Variants in PPEF1 observed in about 807,000 individuals in gnomAD.
The protein encoded by PPEF1 is serine/threonine-protein phosphatase with EF-hands 1.
PPEF1 carries 12 observed loss-of-function variants against 53.3 expected under a neutral mutation model. The observed-to-expected ratio is 0.23, with a 90% CI of 0.14 to 0.36. The LOEUF (loss-of-function observed/expected upper bound fraction) is 0.36. PPEF1 is among the 10% of genes least tolerant of loss of function. PPEF1 has a pLI of 1.00. For missense variants in PPEF1, 334 were observed against 490.4 expected, an observed-to-expected ratio of 0.68 and a Z score of 3.01; for synonymous variants, 165 against 176.7, an observed-to-expected ratio of 0.93 and a Z score of 0.52.
At chrX:18,692,390 A>G (rs1301387613) in intron 4 of PPEF1, among the ~76,000 whole-genome samples, 1 of 112,052 alleles carries the variant, frequency 8.9e-6, no homozygotes, top group Non-Finnish European at 1.9e-5. Context: ...CCTTGTAACC[A>G]CAGCACCTAG....
At chrX:18,747,111 G>C (rs2045345930) in intron 3 of PPEF1, among the ~76,000 whole-genome samples, 1 of 111,559 alleles carries the variant, frequency 9.0e-6, no homozygotes, top group Non-Finnish European at 1.9e-5. Flanking sequence ...AGAAAGCAAG[G>C]GTAGTCCAGG....
At chrX:18,687,152 C>T (rs964788791) in intron 3 of PPEF1, among the ~76,000 whole-genome samples, 1 of 111,212 alleles carries the variant, frequency 9.0e-6, no homozygotes, top group African/African-American at 3.3e-5. Context: ...CTGGAAGCCT[C>T]AGCCCATAGA....
rs181782988 is a variant in PPEF1 at position 18,766,762 on chromosome X, G to A, written c.558+5186G>A. ...TAATGACAGCAATGAAAATTAAAACGTTCTGGCTGGGCACGGTGGCTCACG... is the reference window on the plus strand; with the variant it reads ...TAATGACAGCAATGAAAATTAAAACATTCTGGCTGGGCACGGTGGCTCACG... On this transcript the variant is annotated intron_variant, in intron 6 of 15. Coordinates refer to ENST00000470157, the MANE Select transcript of PPEF1 (RefSeq NM_001377996.1). Among the ~76,000 whole-genome samples, 369 of 112,415 alleles carry A rather than the reference G, an allele frequency of 3.3e-3. 2 individuals are homozygous for A. The highest frequency in any genetic ancestry group is 0.012 in the African/African-American group (359 of 31,012).
intron 6 of PPEF1, among the ~76,000 whole-genome samples, chrX:18,774,920 G>C (rs977182062): frequency 1.8e-5 from 2 of 111,572 alleles, no homozygotes; most frequent in Non-Finnish European, 3.8e-5. Flanking sequence ...TGTAGAAGTC[G>C]TGTTTCAAGC....
chrX:18,730,627 T>G (rs1245897607), intron 2 of PPEF1, among the ~76,000 whole-genome samples: 1 of 111,253 alleles, frequency 9.0e-6, no homozygotes, highest in Non-Finnish European at 1.9e-5. Context: ...AAGAAAAAAA[T>G]ACTTCAAGGG....
intron 1 of PPEF1, among the ~76,000 whole-genome samples, chrX:18,725,237 T>G (rs1263302060): frequency 9.0e-6 from 1 of 110,856 alleles, no homozygotes; most frequent in Admixed American, 9.6e-5. Flanking sequence ...GAGAATTGAA[T>G]GTAAAGAACT....
At chrX:18,706,750 A>C (rs998081417), upstream of PPEF1, among the ~76,000 whole-genome samples, 21 of 109,576 alleles carry the variant, frequency 1.9e-4, no homozygotes, top group Non-Finnish European at 7.6e-5. Flanking sequence ...CGTCTCAAAA[A>C]ATAAAATAAA....
intron 7 of PPEF1, among the ~76,000 whole-genome samples, chrX:18,779,577 T>G (rs925066649): frequency 8.9e-5 from 10 of 111,945 alleles, no homozygotes; most frequent in African/African-American, 3.2e-4. Flanking sequence ...CAGAAACTAG[T>G]TCCATGTTTT....
intron 1 of PPEF1, among the ~76,000 whole-genome samples, chrX:18,683,715 G>A (rs892304250): frequency 4.5e-5 from 5 of 111,927 alleles, no homozygotes; most frequent in African/African-American, 1.6e-4. Flanking sequence ...AAAGGAGGTA[G>A]ACCCATTTGG....
intron 1 of PPEF1, among the ~76,000 whole-genome samples, chrX:18,708,746 G>A (rs962797745): frequency 8.9e-6 from 1 of 111,985 alleles, no homozygotes; most frequent in Non-Finnish European, 1.9e-5. Context: ...TGCTGATGAT[G>A]TAGGAAACTC....
rs187034808 is a variant in PPEF1 at position 18,760,855 on chromosome X, C to A, written c.512-675C>A. 7.1e-4 allele frequency among the ~76,000 whole-genome samples: 76 copies of A among 106,509 alleles called. 1 individual carries two copies. The highest frequency in any genetic ancestry group is 2.6e-3 in the African/African-American group (75 of 29,014). The allele number at this position is 106,509 out of a possible 115,157, so 92.5% of individuals were successfully genotyped here. On this transcript the variant is annotated intron_variant, in intron 5 of 15. Coordinates refer to ENST00000470157, the MANE Select transcript of PPEF1 (RefSeq NM_001377996.1). ...AGTGCAGTGGTGCAATCTCAGCTCA[C>A]TGCAACCTCCACCTCCCGGGTTCAA...
intron 11 of PPEF1, among the ~76,000 whole-genome samples, chrX:18,805,482 G>C (rs1055850902): frequency 9.0e-6 from 1 of 111,622 alleles, no homozygotes; most frequent in East Asian, 2.8e-4. Context: ...AAACATCAGT[G>C]GCTTGTCTGA....
At chrX:18,744,407 T>C (rs751677463) in intron 3 of PPEF1, among the ~76,000 whole-genome samples, 1 of 111,377 alleles carries the variant, frequency 9.0e-6, no homozygotes, top group Admixed American at 9.6e-5. Context: ...GCTACTACTT[T>C]AAGAGCTCAA....
chrX:18,755,715 C>A (rs780891512), intron 4 of PPEF1, among the ~76,000 whole-genome samples: 1 of 111,845 alleles, frequency 8.9e-6, no homozygotes, highest in African/African-American at 3.2e-5. Context: ...CAGTTGCTCC[C>A]TCCCCCAGCC....
intron 1 of PPEF1, among the ~76,000 whole-genome samples, chrX:18,717,058 T>C (rs891188586): frequency 1.9e-5 from 2 of 105,577 alleles, no homozygotes; most frequent in African/African-American, 7.1e-5. Context: ...CCTCTTTTTT[T>C]CCTTTTTCCT....
intron 1 of PPEF1, among the ~76,000 whole-genome samples, chrX:18,712,370 C>A (rs1163926024): frequency 9.0e-6 from 1 of 110,534 alleles, no homozygotes; most frequent in Non-Finnish European, 1.9e-5. Context: ...AAGTTTTACA[C>A]TTCTTTCCTT....
intron 1 of PPEF1, among the ~76,000 whole-genome samples, chrX:18,716,717 A>G (rs1244594389): frequency 9.1e-6 from 1 of 110,392 alleles, no homozygotes; most frequent in Non-Finnish European, 1.9e-5. Flanking sequence ...GGTGTTCCCT[A>G]AAGAATTTTC....
At chrX:18,705,565 A>C (rs1362254329), upstream of PPEF1, among the ~76,000 whole-genome samples, 1 of 111,323 alleles carries the variant, frequency 9.0e-6, no homozygotes, top group Non-Finnish European at 1.9e-5. Flanking sequence ...AAGTACAAAA[A>C]TTAGCTGGGC....
chrX:18,784,939 A>G (rs1331644754), intron 9 of PPEF1, among the ~76,000 whole-genome samples: 1 of 110,925 alleles, frequency 9.0e-6, no homozygotes, highest in East Asian at 2.8e-4. Context: ...TAGGGGCGCC[A>G]CATGGGTTGA....
Sources: gnomAD v4.1 joint callset for allele counts (sites outside exome capture counted in the v4.1 genomes callset) on GRCh38, gnomAD v4.1.1 for gene constraint, MANE v1.5 for transcripts, NCBI Gene and HGNC (gene_info 2026-07-23, HGNC 2026-07-21) for gene names.